COL7A1: variants seen among roughly 807,000 people sequenced by gnomAD.
COL7A1 encodes the protein collagen type VII alpha 1 chain, also known as collagen alpha-1(VII) chain.
COL7A1 carries 296 observed loss-of-function variants against 456.2 expected under a neutral mutation model. The observed-to-expected ratio is 0.65, with a 90% confidence interval of 0.59 to 0.71. COL7A1 has a LOEUF of 0.71. Ranked by LOEUF, COL7A1 falls within the 30% of genes least tolerant of loss-of-function variation. The pLI, the probability that COL7A1 is intolerant of heterozygous loss-of-function variation, is 0.00. For synonymous variants in COL7A1, 1,464 were observed against 1,525.9 expected (o/e 0.96, Z 0.95); for missense variants, 3,441 against 4,017.2 (o/e 0.86, Z 3.88).
Position 48,564,775 on chromosome 3 carries a change from GCCCATACCTGTC to G in COL7A1, c.8814_8818+7del. On this transcript the variant is annotated splice_donor_variant and splice_donor_5th_base_variant and coding_sequence_variant and intron_variant, in exon 118 of 119. Transcript: ENST00000681320. LOFTEE classifies it high-confidence loss of function. The surrounding 1 kb of genome is among the most constrained non-coding windows in gnomAD (Gnocchi z 6.0). ...CCCAGTTCCCCACGGTGGGGGCTCAGCCCATACCTGTCCCCTGGCTCTGGACCACCCGGGGTG... is the reference window on the plus strand; with the variant it reads ...CCCAGTTCCCCACGGTGGGGGCTCAGCCCTGGCTCTGGACCACCCGGGGTG... 6.2e-7 allele frequency: 1 copy of G among 1,613,118 alleles called. No individual in the cohort carries two copies. The highest frequency in any genetic ancestry group is 8.5e-7 in the Non-Finnish European group (1 of 1,179,646).
In COL7A1 at chr3:48,594,598, G is replaced by T; in HGVS notation, c.86-50C>A. On this transcript the variant is annotated intron_variant, in intron 2 of 118. Transcript: ENST00000681320. This position sits in a 1 kb window ranked among gnomAD's most constrained non-coding sequence, Gnocchi z 5.5. ...GCCTCTTCTGGGAGGCCAACCACCC[G>T]CCTACCCGCACGGTGGCCTCACTGG... 2.0e-6 allele frequency: 3 copies of T among 1,532,858 alleles called. No homozygotes were observed. Among genetic ancestry groups the T allele is most frequent in the Non-Finnish European group, 2.6e-6 (3 of 1,140,546 alleles). 95.0% of individuals were successfully genotyped at this position (1,532,858 alleles called of 1,614,324 possible). A position where few individuals can be genotyped will look rare whatever the true frequency, so the allele number is the denominator to read the frequency against.
In COL7A1 at chr3:48,564,476, G is replaced by A. The variant is rs376446712; in HGVS notation, c.8819-54C>T. ...CAGCCATCTGACCTTCCCCGGAGACGCTCAGGCAGAGGCACCGCCAAGGGG... is the reference window on the plus strand; with the variant it reads ...CAGCCATCTGACCTTCCCCGGAGACACTCAGGCAGAGGCACCGCCAAGGGG... On this transcript the variant is annotated intron_variant, in intron 118 of 118. Coordinates refer to ENST00000681320, the MANE Select transcript of COL7A1 (RefSeq NM_000094.4). The surrounding 1 kb of genome is among the most constrained non-coding windows in gnomAD (Gnocchi z 6.0). 3.1e-5 allele frequency: 50 copies of A among 1,608,706 alleles called. No homozygotes were observed. The highest frequency in any genetic ancestry group is 8.9e-5 in the East Asian group (4 of 44,742).
chr3:48,592,148 T>C lies in COL7A1; in HGVS notation c.1194A>G (p.Leu398=). The change falls in exon 10 of 119, where the codon CTA becomes CTG. Residue 398 remains leucine, a synonymous_variant. Coordinates refer to ENST00000681320, the MANE Select transcript of COL7A1 (RefSeq NM_000094.4). This position sits in a 1 kb window ranked among gnomAD's most constrained non-coding sequence, Gnocchi z 7.6. ...GTDYEVTVST[L]FGRSVGPATS... ...TGGCGGGCCCCACACTGCGGCCAAA[T>C]AGGGTGCTCACGGTCACCTCATAGT... 1.2e-6 allele frequency: 2 copies of C among 1,613,870 alleles called. No individual in the cohort carries two copies. Among genetic ancestry groups the C allele is most frequent in the Non-Finnish European group, 1.7e-6 (2 of 1,179,988 alleles).
At position 48,567,714 on chromosome 3, in the gene COL7A1, T is replaced by C; in HGVS notation, c.7979A>G (p.Glu2660Gly). The change falls in exon 108 of 119, where the codon GAG (glutamate) becomes GGG (glycine). Residue 2660 changes from glutamate to glycine, a missense_variant. By Grantham distance (98) the Glu-to-Gly change is moderately conservative. Transcript: ENST00000681320. The surrounding 1 kb of genome is among the most constrained non-coding windows in gnomAD (Gnocchi z 4.3). ...GRPGLAGHKG[E>G]MGEPGVPGQS... ...TCTGAGCGTGCCCACACTCACCATC[T>C]CTCCTTTGTGTCCTGCCAGCCCGGG... is the stretch of plus-strand genomic sequence containing the variant. 1 of 1,613,340 alleles carries C rather than the reference T, an allele frequency of 6.2e-7. No homozygotes were observed. Among genetic ancestry groups the C allele is most frequent in the Non-Finnish European group, 8.5e-7 (1 of 1,179,834 alleles).
At position 48,566,527 on chromosome 3, in the gene COL7A1, C is replaced by T. The variant is rs1282116274; in HGVS notation, c.8341G>A (p.Gly2781Arg). Residue 2781 changes from glycine to arginine, a missense_variant, in exon 113 of 119, where the codon GGA (glycine) becomes AGA (arginine). Physicochemically the swap from Gly to Arg is moderately radical, Grantham distance 125 (BLOSUM62 -2). Transcript: ENST00000681320. The surrounding 1 kb of genome is among the most constrained non-coding windows in gnomAD (Gnocchi z 5.9). The part of the protein sequence containing the change: ...PGPAGPRGEK[G>R]EAALTEDDIR... ...ACACTCACCGTCAGTGCAGCTTCTC[C>T]CTTCTCGCCTCGAGGACCGGCAGGC... is the stretch of plus-strand genomic sequence containing the variant. 1 of 1,614,042 alleles carries T rather than the reference C, an allele frequency of 6.2e-7. No individual in the cohort carries two copies. Among genetic ancestry groups the T allele is most frequent in the Non-Finnish European group, 8.5e-7 (1 of 1,180,030 alleles).
At chr3:48,576,335 G>A in intron 70 of COL7A1, 39 bp from the exon 71 acceptor site, 4 of 1,613,966 alleles carry the variant, frequency 2.5e-6, no homozygotes, top group Non-Finnish European at 8.5e-7. Flanking sequence ...ACCAGCCTAT[G>A]GGTGTGCATG....
rs1164631771 is a variant in COL7A1 at position 48,591,360 on chromosome 3, C to T, written c.1636+104G>A. 3.4e-6 allele frequency: 5 copies of T among 1,482,200 alleles called. No homozygotes were observed. Among genetic ancestry groups the T allele is most frequent in the Non-Finnish European group, 4.6e-6 (5 of 1,081,590 alleles). The allele number at this position is 1,482,200 out of a possible 1,614,324, so 91.8% of individuals were successfully genotyped here. On this transcript the variant is annotated intron_variant, in intron 13 of 118. Transcript: ENST00000681320. This position sits in a 1 kb window ranked among gnomAD's most constrained non-coding sequence, Gnocchi z 7.0. ...GATGGATAACGAGACAGGGAGGAGA[C>T]TATAGGGACCCAGGTGTGGAAGGAG...
Position 48,578,891 on chromosome 3 carries a change from C to T in COL7A1, c.5424+28G>A. On this transcript the variant is annotated intron_variant, in intron 63 of 118. Coordinates refer to ENST00000681320, the MANE Select transcript of COL7A1 (RefSeq NM_000094.4). The surrounding 1 kb of genome is among the most constrained non-coding windows in gnomAD (Gnocchi z 4.7). Reference sequence around the variant, plus strand: ...TGGAGCTTACGCAGCCCCGAGCCCCCTCTGTCCCAGCATCTCCCCTCACTT... The same window carrying T: ...TGGAGCTTACGCAGCCCCGAGCCCCTTCTGTCCCAGCATCTCCCCTCACTT... 1 of 1,610,934 alleles carries T rather than the reference C, an allele frequency of 6.2e-7. No homozygotes were observed. The highest frequency in any genetic ancestry group is 1.1e-5 in the South Asian group (1 of 90,802).
Position 48,575,563 on chromosome 3 carries a change from C to T in COL7A1, c.5980-24G>A. On this transcript the variant is annotated intron_variant, in intron 73 of 118. Coordinates refer to ENST00000681320, the MANE Select transcript of COL7A1 (RefSeq NM_000094.4). The surrounding 1 kb of genome is among the most constrained non-coding windows in gnomAD (Gnocchi z 6.3). ...CCCTGCAGGAGTGGAAGAGAGAATGCTGGTGGCTGTACAGCTACACCCCAC... is the reference window on the plus strand; with the variant it reads ...CCCTGCAGGAGTGGAAGAGAGAATGTTGGTGGCTGTACAGCTACACCCCAC... The T allele has an allele frequency of 6.2e-7, 1 of 1,612,494 alleles. No homozygotes were observed. The highest frequency in any genetic ancestry group is 8.5e-7 in the Non-Finnish European group (1 of 1,179,998).
rs752339003 is a variant in COL7A1, at chr3:48,566,566, A to G, written c.8305-3T>C. On this transcript the variant is annotated splice_polypyrimidine_tract_variant and splice_region_variant and intron_variant, in intron 112 of 118. Transcript: ENST00000681320. The surrounding 1 kb of genome is among the most constrained non-coding windows in gnomAD (Gnocchi z 5.9). ...GGACCGGCAGGCCCTGGCCGCCCCT[A>G]TGTGCAACAGATGGGACCAGGCTGT... 4.3e-6 allele frequency: 7 copies of G among 1,613,988 alleles called. No individual in the cohort carries two copies. Among genetic ancestry groups the G allele is most frequent in the South Asian group, 1.1e-5 (1 of 91,076 alleles).
In COL7A1 at chr3:48,578,373, A is replaced by G. The variant is rs371480540; in HGVS notation, c.5488-8T>C. 3 of 1,613,248 alleles carry G rather than the reference A, an allele frequency of 1.9e-6. No individual in the cohort carries two copies. The highest frequency in any genetic ancestry group is 2.5e-6 in the Non-Finnish European group (3 of 1,180,026). The stretch of plus-strand genomic sequence containing the variant: ...ATCCTCGCCTGGCTTTCCCTGTGGG[A>G]ACAGATCACTGGTTGGATGTCGGGG... On this transcript the variant is annotated splice_region_variant and splice_polypyrimidine_tract_variant and intron_variant, in intron 64 of 118. Coordinates refer to ENST00000681320, the MANE Select transcript of COL7A1 (RefSeq NM_000094.4). This position sits in a 1 kb window ranked among gnomAD's most constrained non-coding sequence, Gnocchi z 4.7.
Position 48,571,410 on chromosome 3 carries a change from A to T in COL7A1, c.7069-132T>A, listed in dbSNP as rs2043910755. ...ATGGGAACTCAGACATGCGACCAAG[A>T]ATTGGCTCACAGGAGCTCAGACATG... On this transcript the variant is annotated intron_variant, in intron 92 of 118. Coordinates refer to ENST00000681320, the MANE Select transcript of COL7A1 (RefSeq NM_000094.4). This position sits in a 1 kb window ranked among gnomAD's most constrained non-coding sequence, Gnocchi z 4.6. 1 of 1,167,608 alleles carries T rather than the reference A, an allele frequency of 8.6e-7. No individual in the cohort carries two copies. Among genetic ancestry groups the T allele is most frequent in the African/African-American group, 1.5e-5 (1 of 65,698 alleles). 72.3% of individuals were successfully genotyped at this position (1,167,608 alleles called of 1,614,324 possible). A position where few individuals can be genotyped will look rare whatever the true frequency, so the allele number is the denominator to read the frequency against.
chr3:48,584,731 T>G lies in COL7A1; in HGVS notation c.4047+3A>C. The G allele has an allele frequency of 6.2e-7, 1 of 1,613,942 alleles. No homozygotes were observed. The highest frequency in any genetic ancestry group is 8.5e-7 in the Non-Finnish European group (1 of 1,179,992). ...CGGCCGCCTCCCTTCCCCCTTCACCTACCGGCTCCCCCTTTGGGCCTCGAG... is the reference window on the plus strand; with the variant it reads ...CGGCCGCCTCCCTTCCCCCTTCACCGACCGGCTCCCCCTTTGGGCCTCGAG... On this transcript the variant is annotated splice_donor_region_variant and intron_variant, in intron 35 of 118. Transcript: ENST00000681320.
chr3:48,572,129 T>G lies in COL7A1; in HGVS notation c.7021A>C (p.Lys2341Gln). The G allele has an allele frequency of 6.2e-7, 1 of 1,614,010 alleles. No homozygotes were observed. The highest frequency in any genetic ancestry group is 8.5e-7 in the Non-Finnish European group (1 of 1,179,986). Residue 2341 changes from lysine to glutamine, a missense_variant and splice_region_variant, in exon 91 of 119, where the codon AAG (lysine) becomes CAG (glutamine). By Grantham distance (53) the Lys-to-Gln change is moderately conservative. This residue lies in a region of COL7A1 where 2,084 missense variants were observed against 2,501.3 expected (regional missense o/e 0.83). Transcript: ENST00000681320. This position sits in a 1 kb window ranked among gnomAD's most constrained non-coding sequence, Gnocchi z 4.6. ...GCCCCAGGGCCAACCCACCTCACCT[T>G]CTCGCCTCGCGGCCCTGGCAGTCCT... ...DRGLPGPRGE[K>Q]GEAGRAGEPG...
rs764301128 is a variant in COL7A1 at position 48,579,921 on chromosome 3, A to G, written c.5125-107T>C. 2.4e-4 allele frequency: 382 copies of G among 1,607,068 alleles called. No homozygotes were observed. Among genetic ancestry groups the G allele is most frequent in the South Asian group, 3.3e-4 (30 of 90,904 alleles). On this transcript the variant is annotated intron_variant, in intron 57 of 118. Transcript: ENST00000681320. The surrounding 1 kb of genome is among the most constrained non-coding windows in gnomAD (Gnocchi z 4.4). ...CTCCAGGGATCCGCGGAGGTTTCAG[A>G]GGGACAGTGGGGGAAGTGGGAGTTA... is the stretch of plus-strand genomic sequence containing the variant.
Position 48,568,523 on chromosome 3 carries a change from AC to A in COL7A1, c.7769del (p.Gly2590ValfsTer41). The A allele has an allele frequency of 6.2e-7, 1 of 1,607,884 alleles. No homozygotes were observed. On this transcript the variant is annotated frameshift_variant, in exon 105 of 119. Transcript: ENST00000681320. LOFTEE classifies it high-confidence loss of function. This position sits in a 1 kb window ranked among gnomAD's most constrained non-coding sequence, Gnocchi z 5.2. ...CCGGGTCACCAGGGATCCCTGCTGC[AC>A]CAGGTTGACCCTGTGAGAAACACAG... ...RGLLGPQGQP[G>X]AAGIPGDPGS...
Position 48,574,604 on chromosome 3 carries a change from G to A in COL7A1, c.6394-54C>T, listed in dbSNP as rs1305882658. The A allele has an allele frequency of 1.3e-5, 21 of 1,613,716 alleles. No individual in the cohort carries two copies. In the Admixed American group the frequency reaches 3.3e-4, roughly 26 times the overall value. ...CCCAGTCCCTGCCACGTGCCCAGGTGCATATGCACACCACCTCTAGTGTGC... is the reference window on the plus strand; with the variant it reads ...CCCAGTCCCTGCCACGTGCCCAGGTACATATGCACACCACCTCTAGTGTGC... On this transcript the variant is annotated intron_variant, in intron 78 of 118. Coordinates refer to ENST00000681320, the MANE Select transcript of COL7A1 (RefSeq NM_000094.4). This position sits in a 1 kb window ranked among gnomAD's most constrained non-coding sequence, Gnocchi z 5.0.
chr3:48,589,659 T>C lies in COL7A1; in HGVS notation c.2110A>G (p.Ile704Val), dbSNP rs140182747. 24 of 1,612,998 alleles carry C rather than the reference T, an allele frequency of 1.5e-5. No individual in the cohort carries two copies. Among genetic ancestry groups the C allele is most frequent in the Non-Finnish European group, 1.9e-5 (22 of 1,179,888 alleles). The change falls in exon 17 of 119, where the codon ATT becomes GTT. Residue 704 changes from isoleucine (I) to valine (V), a missense_variant. Physicochemically the swap from Ile to Val is conservative, Grantham distance 29. This residue lies in a region of COL7A1 where 913 missense variants were observed against 1,088.2 expected (regional missense o/e 0.84). Transcript: ENST00000681320. ...VTQASSSSVTITWTRVPGATG... is the reference protein window; with the variant it reads ...VTQASSSSVTVTWTRVPGATG... ...GCGCCAGGAACCCTGGTCCAGGTAATGGTGACAGATGAGCTGCTGGCCTGA... is the reference window on the plus strand; with the variant it reads ...GCGCCAGGAACCCTGGTCCAGGTAACGGTGACAGATGAGCTGCTGGCCTGA...
chr3:48,579,013 G>A lies in COL7A1; in HGVS notation c.5389-59C>T. 1.9e-6 allele frequency: 3 copies of A among 1,607,102 alleles called. No homozygotes were observed. The highest frequency in any genetic ancestry group is 2.6e-6 in the Non-Finnish European group (3 of 1,174,054). On this transcript the variant is annotated intron_variant, in intron 62 of 118. Coordinates refer to ENST00000681320, the MANE Select transcript of COL7A1 (RefSeq NM_000094.4). This position sits in a 1 kb window ranked among gnomAD's most constrained non-coding sequence, Gnocchi z 4.4. ...CATGGGGTCAGGGGCTCTAGTCCCT[G>A]TGAGCCTAAGGCCTGCATGGCAAGA...
Sources: allele counts gnomAD v4.1 joint callset, GRCh38; gene constraint gnomAD v4.1.1; regional missense constraint gnomAD v4.1.1; non-coding constraint Gnocchi (gnomAD v3.1); transcripts MANE v1.5; gene names NCBI Gene and HGNC (gene_info 2026-07-23, HGNC 2026-07-21).